The following UBE2J2 variants were observed in gnomAD, a reference collection of about 807,000 sequenced individuals.
UBE2J2 encodes the protein ubiquitin conjugating enzyme E2 J2, also known as ubiquitin-conjugating enzyme E2 J2.
Under a neutral mutation model 28.6 loss-of-function variants are expected in UBE2J2, and 5 were observed. That is an observed-to-expected ratio of 0.17 (90% CI 0.09 to 0.37). UBE2J2 has a LOEUF of 0.37. Ranked by LOEUF, UBE2J2 falls within the 10% of genes least tolerant of loss-of-function variation. The pLI is 1.00. For synonymous variants in UBE2J2, 138 were observed against 139.7 expected (o/e 0.99, Z 0.09); for missense variants, 226 against 338.9 (o/e 0.67, Z 2.62).
intron 3 of UBE2J2, among the ~76,000 whole-genome samples, chr1:1,259,526 C>T (rs1480941401): frequency 6.6e-6 from 1 of 152,222 alleles, no homozygotes; most frequent in Non-Finnish European, 1.5e-5. Context: ...CCCTGCCCCT[C>T]GAGTGCTTTA....
intron 2 of UBE2J2, among the ~76,000 whole-genome samples, chr1:1,265,648 T>TGTGTGTGTGG (rs1491248047): frequency 6.8e-6 from 1 of 147,106 alleles, no homozygotes; most frequent in Non-Finnish European, 1.5e-5. Flanking sequence ...TGTGTGTGTG[T>TGTGTGTGTGG]GGTGGAGTCT....
intron 1 of UBE2J2, among the ~76,000 whole-genome samples, chr1:1,272,378 C>T (rs1640198177): frequency 6.6e-6 from 1 of 152,260 alleles, no homozygotes; most frequent in African/African-American, 2.4e-5. Flanking sequence ...TGCCCAGGTG[C>T]TGAGGCAGTG....
chr1:1,255,639 C>T (rs191101789), intron 6 of UBE2J2, 152 bp from the exon 7 acceptor site: 1,094 of 954,488 alleles, frequency 1.1e-3, no homozygotes, highest in Non-Finnish European at 1.4e-3. Flanking sequence ...AGGGCCCGAG[C>T]GTGGCCGGCC....
At chr1:1,272,709 T>G (rs534765240) in intron 1 of UBE2J2, 9 of 192,916 alleles carry the variant, frequency 4.7e-5, no homozygotes, top group South Asian at 4.4e-4. Context: ...CTCACCTGCC[T>G]GTCACTCACG....
At chr1:1,260,834 T>C (rs1311730118) in intron 3 of UBE2J2, among the ~76,000 whole-genome samples, 2 of 152,272 alleles carry the variant, frequency 1.3e-5, no homozygotes, top group Non-Finnish European at 2.9e-5. Flanking sequence ...GTCCTTTGCC[T>C]TTGCATGTAG....
Position 1,267,972 on chromosome 1 carries a change from C to T in UBE2J2, c.21G>A (p.Lys7=). ...TCTGGGTTGCCGTGGTCGGAGCCCT[C>T]TTACTGCTGGTGCTGCTCATCTGTT... MSSTSS[K]RAPTTATQRL... The change falls in exon 2 of 7, where the codon AAG becomes AAA. Residue 7 remains lysine, a synonymous_variant. Transcript: ENST00000349431. The T allele has an allele frequency of 1.9e-6, 3 of 1,614,072 alleles. No homozygotes were observed.
Position 1,255,095 on chromosome 1 carries a change from C to T in UBE2J2, c.*108G>A. 7.9e-7 allele frequency: 1 copy of T among 1,271,006 alleles called. No homozygotes were observed. Among genetic ancestry groups the T allele is most frequent in the East Asian group, 2.6e-5 (1 of 38,526 alleles). 78.7% of individuals were successfully genotyped at this position (1,271,006 alleles called of 1,614,324 possible). A position where few individuals can be genotyped will look rare whatever the true frequency, so the allele number is the denominator to read the frequency against. ...CCTTTCAGGTTTTTAAAAGCTAAAC[C>T]TAGGAGCCTGGTGGGTCTGCCTGTG... On this transcript the variant is annotated 3_prime_UTR_variant, in exon 7 of 7. Transcript: ENST00000349431.
At chr1:1,262,738 G>A (rs919620045) in intron 3 of UBE2J2, 1 of 177,528 alleles carries the variant, frequency 5.6e-6, no homozygotes, top group Non-Finnish European at 1.2e-5. Context: ...CTCCGCCAAA[G>A]GCCCCAGAAA....
At chr1:1,265,385 G>A (rs1016498705) in intron 2 of UBE2J2, among the ~76,000 whole-genome samples, 1 of 152,234 alleles carries the variant, frequency 6.6e-6, no homozygotes, top group Non-Finnish European at 1.5e-5. Context: ...GTGCCAGGCA[G>A]AGGGTGCCTA....
At position 1,261,527 on chromosome 1, in the gene UBE2J2, G is replaced by C. The variant is rs557706812; in HGVS notation, c.172+1819C>G. On this transcript the variant is annotated intron_variant, in intron 3 of 6. Coordinates refer to ENST00000349431, the MANE Select transcript of UBE2J2 (RefSeq NM_058167.3). Reference sequence around the variant, plus strand: ...ACTGACCTAGCTGGTGAAGTTGAGGGAGACTGGGTGTGGATACAGAATTAA... The same window carrying C: ...ACTGACCTAGCTGGTGAAGTTGAGGCAGACTGGGTGTGGATACAGAATTAA... 2.6e-5 allele frequency among the ~76,000 whole-genome samples: 4 copies of C among 152,334 alleles called. No individual in the cohort carries two copies. In the East Asian group the frequency reaches 7.7e-4, roughly 29 times the overall value.
At chr1:1,256,790 A>G (rs2101030875) in intron 5 of UBE2J2, among the ~76,000 whole-genome samples, 1 of 151,394 alleles carries the variant, frequency 6.6e-6, no homozygotes, top group Admixed American at 6.6e-5. Flanking sequence ...GGAGGCTGAG[A>G]CAGGAGAATG....
intron 2 of UBE2J2, 75 bp downstream of exon 2, chr1:1,267,787 C>A: frequency 6.3e-7 from 1 of 1,585,120 alleles, no homozygotes; most frequent in South Asian, 1.1e-5. Context: ...GCACCAGGCT[C>A]GCCCAGCAGG....
chr1:1,256,402 C>T, intron 5 of UBE2J2: 1 of 376,318 alleles, frequency 2.7e-6, no homozygotes, highest in Non-Finnish European at 4.9e-6. Context: ...GCCGTCTGTG[C>T]AACTGGTACC....
intron 3 of UBE2J2, chr1:1,262,903 C>A (rs1355495065): frequency 5.6e-6 from 1 of 179,080 alleles, no homozygotes; most frequent in Admixed American, 5.4e-5. Flanking sequence ...GCCCCAGGTG[C>A]CACCACACAG....
At chr1:1,272,537 C>T (rs1284813100) in intron 1 of UBE2J2, among the ~76,000 whole-genome samples, 1 of 152,200 alleles carries the variant, frequency 6.6e-6, no homozygotes, top group African/African-American at 2.4e-5. Context: ...CCTTCTCCAC[C>T]AGACTGCTCC....
chr1:1,269,732 G>A (rs1170746500), intron 1 of UBE2J2, among the ~76,000 whole-genome samples: 1 of 152,128 alleles, frequency 6.6e-6, no homozygotes, highest in African/African-American at 2.4e-5. Context: ...CCAAAGTGCT[G>A]GGATTACAGG....
At chr1:1,273,153 T>TA (rs1181253933) in intron 1 of UBE2J2, 1 of 152,052 alleles carries the variant, frequency 6.6e-6, no homozygotes, top group Non-Finnish European at 1.5e-5. Flanking sequence ...CGGCGCCGCT[T>TA]AGAGACTTGT....
At chr1:1,258,920 GGCCAACCCCAACCAGA>G (rs1639372423) in intron 3 of UBE2J2, among the ~76,000 whole-genome samples, 1 of 152,242 alleles carries the variant, frequency 6.6e-6, no homozygotes, top group Non-Finnish European at 1.5e-5. Flanking sequence ...CAGAGCTTGG[GGCCAACCCCAACCAGA>G]GGACCACAAG....
At position 1,263,395 on chromosome 1, in the gene UBE2J2, G is replaced by T. The variant is rs760734691; in HGVS notation, c.132-9C>A. The T allele has an allele frequency of 1.2e-6, 2 of 1,612,102 alleles. No homozygotes were observed. Among genetic ancestry groups the T allele is most frequent in the South Asian group, 2.2e-5 (2 of 91,022 alleles). On this transcript the variant is annotated splice_polypyrimidine_tract_variant and intron_variant, in intron 2 of 6. Transcript: ENST00000349431. ...CTCGGACGACATAGTGCCTAAGGGAGAGAAGAAAATTACTTGGGATTTGAG... is the reference window on the plus strand; with the variant it reads ...CTCGGACGACATAGTGCCTAAGGGATAGAAGAAAATTACTTGGGATTTGAG...
Sources: gnomAD v4.1 joint callset for allele counts (sites outside exome capture counted in the v4.1 genomes callset) on GRCh38, gnomAD v4.1.1 for gene constraint, MANE v1.5 for transcripts, NCBI Gene and HGNC (gene_info 2026-07-23, HGNC 2026-07-21) for gene names.